Variants in ENPP3 observed in about 807,000 individuals in gnomAD.
ENPP3 encodes the protein ectonucleotide pyrophosphatase/phosphodiesterase family member 3.
Under a neutral mutation model 117.8 loss-of-function variants are expected in ENPP3, and 104 were observed. That is an observed-to-expected ratio of 0.88 (90% CI 0.75 to 1.04). The LOEUF is 1.04. Ranked by LOEUF, ENPP3 falls within the 50% of genes least tolerant of loss-of-function variation. The pLI, the probability that ENPP3 is intolerant of heterozygous loss-of-function variation, is 0.00. For missense variants in ENPP3, 1,026 were observed against 1,051.9 expected (o/e 0.98, Z 0.34); for synonymous variants, 380 against 349.9 (o/e 1.09, Z -0.96).
intron 6 of ENPP3, among the ~76,000 whole-genome samples, chr6:131,661,546 C>T (rs944507707): frequency 6.6e-6 from 1 of 152,126 alleles, no homozygotes; most frequent in Non-Finnish European, 1.5e-5. Context: ...CCCATCTCAG[C>T]CTCCCAAAGT....
chr6:131,718,238 G>A (rs973524660), intron 15 of ENPP3, among the ~76,000 whole-genome samples: 3 of 152,126 alleles, frequency 2.0e-5, no homozygotes, highest in Admixed American at 6.5e-5. Flanking sequence ...TATTCCTAAA[G>A]CATTGAAATG....
chr6:131,723,302 C>G (rs943419933), intron 18 of ENPP3, among the ~76,000 whole-genome samples: 1 of 152,182 alleles, frequency 6.6e-6, no homozygotes, highest in African/African-American at 2.4e-5. Context: ...AGGGGCTTTA[C>G]AGGACAAAAG....
At chr6:131,697,634 G>A (rs779886136) in intron 15 of ENPP3, among the ~76,000 whole-genome samples, 16 of 151,784 alleles carry the variant, frequency 1.1e-4, no homozygotes, top group Non-Finnish European at 2.1e-4. Context: ...GTCATCAGGC[G>A]TTAGATTTTC....
rs142122809 is a variant in ENPP3, at chr6:131,637,410, C to T, written c.26C>T (p.Thr9Met). 159 of 1,595,682 alleles carry T rather than the reference C, an allele frequency of 1.0e-4. No homozygotes were observed. The highest frequency in any genetic ancestry group is 2.3e-4 in the African/African-American group (17 of 74,154). Reference protein sequence around the residue: MESTLTLATEQPVKKNTLK... With the variant: MESTLTLAMEQPVKKNTLK... ...ATGGAATCTACGTTGACTTTAGCAA[C>T]GGAACAACCTGTTAAGAAGAACACT... The change falls in exon 1 of 25, where the codon ACG becomes ATG. Residue 9 changes from threonine (T) to methionine (M), a missense_variant. Transcript: ENST00000357639.
At position 131,667,301 on chromosome 6, in the gene ENPP3, C is replaced by T. The variant is rs186491793; in HGVS notation, c.563-3947C>T. Among the ~76,000 whole-genome samples the T allele has an allele frequency of 1.6e-4, 25 of 152,160 alleles. No homozygotes were observed. The East Asian group carries it at 4.4e-3, about 27-fold the overall frequency. ...TCCAATACAGACAAGACAGAAAAAG[C>T]CAGTCCTTTGGGCAGTCCCTGGTAA... is the stretch of plus-strand genomic sequence containing the variant. On this transcript the variant is annotated intron_variant, in intron 6 of 24. Coordinates refer to ENST00000357639, the MANE Select transcript of ENPP3 (RefSeq NM_005021.5).
intron 15 of ENPP3, among the ~76,000 whole-genome samples, chr6:131,715,929 G>A (rs1045033206): frequency 1.3e-5 from 2 of 152,182 alleles, no homozygotes; most frequent in East Asian, 1.9e-4. Context: ...ACCCATAAGC[G>A]CATTCTGGGT....
chr6:131,684,982 A>T (rs780339315), intron 12 of ENPP3, among the ~76,000 whole-genome samples: 2 of 152,036 alleles, frequency 1.3e-5, no homozygotes, highest in Non-Finnish European at 2.9e-5. Flanking sequence ...GATGGGGTTT[A>T]TCATGTTGGC....
Position 131,677,892 on chromosome 6 carries a change from T to C in ENPP3, c.963T>C (p.Phe321=). ...AERPRFYTMY[F]EEPDSSGHAG... ...GACCCAGGTTTTATACCATGTATTTTGAAGAACCTGATTCCTCTGGACATG... is the reference window on the plus strand; with the variant it reads ...GACCCAGGTTTTATACCATGTATTTCGAAGAACCTGATTCCTCTGGACATG... Residue 321 remains phenylalanine, a synonymous_variant, in exon 11 of 25, where the codon TTT becomes TTC. Coordinates refer to ENST00000357639, the MANE Select transcript of ENPP3 (RefSeq NM_005021.5). 6.2e-7 allele frequency: 1 copy of C among 1,611,226 alleles called. No individual in the cohort carries two copies. The highest frequency in any genetic ancestry group is 1.1e-5 in the South Asian group (1 of 90,948).
At chr6:131,696,128 A>G (rs1415887349) in intron 15 of ENPP3, among the ~76,000 whole-genome samples, 1 of 152,200 alleles carries the variant, frequency 6.6e-6, no homozygotes, top group Non-Finnish European at 1.5e-5. Flanking sequence ...TCTTTATTTT[A>G]CCTAAAATGT....
intron 20 of ENPP3, among the ~76,000 whole-genome samples, chr6:131,732,052 G>A (rs1035554959): frequency 1.3e-5 from 2 of 152,162 alleles, no homozygotes; most frequent in Non-Finnish European, 2.9e-5. Flanking sequence ...AGTGTATGTT[G>A]CCTCTTCCTT....
At chr6:131,673,626 T>C (rs1458836210) in intron 7 of ENPP3, among the ~76,000 whole-genome samples, 3 of 151,764 alleles carry the variant, frequency 2.0e-5, no homozygotes, top group African/African-American at 7.3e-5. Context: ...CTATGACACA[T>C]GTTTACCTAG....
At chr6:131,664,266 A>C (rs1402650978) in intron 6 of ENPP3, among the ~76,000 whole-genome samples, 2 of 152,158 alleles carry the variant, frequency 1.3e-5, no homozygotes, top group Non-Finnish European at 2.9e-5. Flanking sequence ...GTGTGGGCTA[A>C]TGTGTGAGTT....
intron 11 of ENPP3, among the ~76,000 whole-genome samples, chr6:131,679,073 CTT>C (rs1778962065): frequency 7.9e-6 from 1 of 125,938 alleles, no homozygotes; most frequent in Non-Finnish European, 1.6e-5. Flanking sequence ...TTCTTTCTTT[CTT>C]TCTTTCTTTC....
intron 15 of ENPP3, among the ~76,000 whole-genome samples, chr6:131,694,606 G>A (rs902431613): frequency 3.9e-5 from 6 of 152,010 alleles, no homozygotes; most frequent in African/African-American, 9.7e-5. Context: ...AGGCCAATGC[G>A]GGCAGGTCAC....
intron 11 of ENPP3, among the ~76,000 whole-genome samples, chr6:131,679,022 CTTCCTTCTTTCTTTCTTTCT>C (rs1778952989): frequency 3.4e-5 from 2 of 59,122 alleles, no homozygotes; most frequent in African/African-American, 1.5e-4. Flanking sequence ...TCCTTCCTTC[CTTCCTTCTTTCTTTCTTTCT>C]TTCTTTCTTT....
At chr6:131,692,074 C>T (rs1019518238) in intron 14 of ENPP3, among the ~76,000 whole-genome samples, 2 of 149,708 alleles carry the variant, frequency 1.3e-5, no homozygotes, top group Non-Finnish European at 3.0e-5. Flanking sequence ...CATAGTTTCT[C>T]TTATTTTTCT....
chr6:131,738,228 T>G (rs1196474212), intron 23 of ENPP3, 65 bp downstream of exon 23: 1 of 1,291,698 alleles, frequency 7.7e-7, no homozygotes, highest in Non-Finnish European at 1.1e-6. Flanking sequence ...ATATTTTAAG[T>G]AAAGCTCAGT....
chr6:131,678,789 G>A (rs1453054141), intron 11 of ENPP3, among the ~76,000 whole-genome samples: 2 of 152,138 alleles, frequency 1.3e-5, no homozygotes, highest in East Asian at 1.9e-4. Flanking sequence ...TTGGGCCTCT[G>A]TTGTATTCCT....
At position 131,668,662 on chromosome 6, in the gene ENPP3, TTA is replaced by T. The variant is rs1778674689; in HGVS notation, c.563-2584_563-2583del. On this transcript the variant is annotated intron_variant, in intron 6 of 24. Coordinates refer to ENST00000357639, the MANE Select transcript of ENPP3 (RefSeq NM_005021.5). ...TTTTCAGATTATTTTGTTTAGTACTTTATTTTTTTAATTGTTTTTTTAGAAGT... is the reference window on the plus strand; with the variant it reads ...TTTTCAGATTATTTTGTTTAGTACTTTTTTTTTAATTGTTTTTTTAGAAGT... Among the ~76,000 whole-genome samples the T allele has an allele frequency of 6.6e-5, 10 of 152,328 alleles. No individual in the cohort carries two copies. In the South Asian group the frequency reaches 2.1e-3, roughly 32 times the overall value.
Sources: gnomAD v4.1 joint callset for allele counts (sites outside exome capture counted in the v4.1 genomes callset) on GRCh38, gnomAD v4.1.1 for gene constraint, MANE v1.5 for transcripts, NCBI Gene and HGNC (gene_info 2026-07-23, HGNC 2026-07-21) for gene names.